LINGO2: variants seen among roughly 807,000 people sequenced by gnomAD.
LINGO2 encodes the protein leucine-rich repeat and immunoglobulin-like domain-containing nogo receptor-interacting protein 2.
In LINGO2, 14 loss-of-function variants were observed where a neutral mutation model predicts 30.6. The ratio of observed to expected loss-of-function variants is 0.46; its 90% CI spans 0.30 to 0.72. The LOEUF (loss-of-function observed/expected upper bound fraction) is 0.72, where lower values mean the gene tolerates loss of function less well. Among genes scored for constraint, LINGO2 ranks in the 30% least tolerant of loss-of-function variants. The pLI is 0.07. For missense variants in LINGO2, 729 were observed against 751.7 expected (o/e 0.97, Z 0.35); for synonymous variants, 317 against 288.5 (o/e 1.10, Z -1.00).
intron 2 of LINGO2, among the ~76,000 whole-genome samples, chr9:28,375,138 A>ACACACAC (rs1348443495): frequency 1.6e-5 from 2 of 122,204 alleles, no homozygotes; most frequent in African/African-American, 2.8e-5. Flanking sequence ...ACACACATAC[A>ACACACAC]CCCCACACTA....
the LINGO2 span, among the ~76,000 whole-genome samples, chr9:28,781,472 G>A: frequency 6.6e-6 from 1 of 152,222 alleles, no homozygotes; most frequent in Admixed American, 6.5e-5. Flanking sequence ...TCAAATAATA[G>A]CAAAACAAAA....
intron 1 of LINGO2, among the ~76,000 whole-genome samples, chr9:28,608,260 A>G (rs898168760): frequency 6.6e-6 from 1 of 151,948 alleles, no homozygotes; most frequent in Non-Finnish European, 1.5e-5. Flanking sequence ...TTATTTTAGA[A>G]CACACTGACA....
intron 2 of LINGO2, among the ~76,000 whole-genome samples, chr9:28,394,411 C>G (rs1263240594): frequency 2.0e-5 from 3 of 152,142 alleles, no homozygotes; most frequent in Non-Finnish European, 4.4e-5. Flanking sequence ...AAGCCTTTTC[C>G]TCTTTTTTCC....
chr9:28,819,824 T>C, the LINGO2 span, among the ~76,000 whole-genome samples: 1 of 152,338 alleles, frequency 6.6e-6, no homozygotes, highest in Admixed American at 6.5e-5. Flanking sequence ...AGCAGCTTCC[T>C]GGGCTATAGA....
chr9:28,011,652 G>T (rs1001782807), intron 5 of LINGO2, among the ~76,000 whole-genome samples: 2 of 152,010 alleles, frequency 1.3e-5, no homozygotes, highest in African/African-American at 4.8e-5. Context: ...AATTGTATTT[G>T]ATATATATAT....
chr9:28,212,380 G>A (rs1189074569), intron 4 of LINGO2, among the ~76,000 whole-genome samples: 1 of 151,338 alleles, frequency 6.6e-6, no homozygotes, highest in African/African-American at 2.4e-5. Flanking sequence ...GTTAGGATTT[G>A]AACCCGTTTG....
At chr9:29,020,544 T>C in the LINGO2 span, among the ~76,000 whole-genome samples, 22,574 of 150,846 alleles carry the variant, frequency 0.15, 2,047 homozygotes, top group South Asian at 0.2. Flanking sequence ...GCCCTATTTT[T>C]AAGCTTCTAA....
At chr9:28,878,695 A>C in the LINGO2 span, among the ~76,000 whole-genome samples, 1 of 152,198 alleles carries the variant, frequency 6.6e-6, no homozygotes, top group African/African-American at 2.4e-5. Context: ...TACGCAAATC[A>C]ATAAATGTAA....
chr9:28,577,563 C>T (rs1251851596), intron 1 of LINGO2, among the ~76,000 whole-genome samples: 1 of 152,092 alleles, frequency 6.6e-6, no homozygotes, highest in Non-Finnish European at 1.5e-5. Flanking sequence ...CTCCAGTCTC[C>T]CATTTAGCAG....
At chr9:27,999,380 C>T (rs1331140990) in intron 5 of LINGO2, among the ~76,000 whole-genome samples, 1 of 151,138 alleles carries the variant, frequency 6.6e-6, no homozygotes, top group Middle Eastern at 3.2e-3. Context: ...AGCTGGCCGA[C>T]GAACTGCAGA....
chr9:28,035,440 A>C (rs1823883069), intron 4 of LINGO2, among the ~76,000 whole-genome samples: 1 of 152,228 alleles, frequency 6.6e-6, no homozygotes, highest in Non-Finnish European at 1.5e-5. Flanking sequence ...TGACTACCTC[A>C]GATAATTACA....
intron 4 of LINGO2, among the ~76,000 whole-genome samples, chr9:28,150,999 A>G (rs1333712976): frequency 6.6e-6 from 1 of 152,234 alleles, no homozygotes; most frequent in Non-Finnish European, 1.5e-5. Context: ...AGCCTTTTAG[A>G]GTATTTCAGA....
At chr9:28,917,453 T>C in the LINGO2 span, among the ~76,000 whole-genome samples, 1 of 151,922 alleles carries the variant, frequency 6.6e-6, no homozygotes, top group East Asian at 1.9e-4. Context: ...TTTTTTGGGT[T>C]TTTTTTTCTT....
At chr9:28,855,443 TC>T in the LINGO2 span, among the ~76,000 whole-genome samples, 12 of 152,114 alleles carry the variant, frequency 7.9e-5, no homozygotes, top group Admixed American at 5.9e-4. Flanking sequence ...TATGTCTAGA[TC>T]TTAGTCTTTA....
At chr9:28,309,421 G>T (rs1256235632) in intron 3 of LINGO2, among the ~76,000 whole-genome samples, 2 of 150,958 alleles carry the variant, frequency 1.3e-5, no homozygotes, top group East Asian at 2.0e-4. Context: ...ATCACACTCT[G>T]GGGACTGTTG....
chr9:28,054,088 C>CTG (rs1824804861), intron 4 of LINGO2, among the ~76,000 whole-genome samples: 1 of 151,144 alleles, frequency 6.6e-6, no homozygotes, highest in South Asian at 2.1e-4. Context: ...AAGTGGGATT[C>CTG]TGTGATGGGA....
the LINGO2 span, among the ~76,000 whole-genome samples, chr9:28,804,585 AT>A: frequency 6.6e-6 from 1 of 152,204 alleles, no homozygotes; most frequent in African/African-American, 2.4e-5. Context: ...CAGATCTGGA[AT>A]AGGACAATAT....
intron 2 of LINGO2, among the ~76,000 whole-genome samples, chr9:28,391,652 C>A (rs747100971): frequency 9.9e-5 from 15 of 151,336 alleles, no homozygotes; most frequent in Non-Finnish European, 1.8e-4. Context: ...ACCTCATCCA[C>A]AGGACTGGAG....
At chr9:28,012,783 G>A (rs965693171) in intron 4 of LINGO2, among the ~76,000 whole-genome samples, 8 of 152,186 alleles carry the variant, frequency 5.3e-5, no homozygotes, top group African/African-American at 1.9e-4. Context: ...GCCCCAAGGA[G>A]CCTACTTTCT....
Sources: gnomAD v4.1 joint callset for allele counts (sites outside exome capture counted in the v4.1 genomes callset) on GRCh38, gnomAD v4.1.1 for gene constraint, MANE v1.5 for transcripts, NCBI Gene and HGNC (gene_info 2026-07-23, HGNC 2026-07-21) for gene names.